The following RAD51B variants were observed in gnomAD, a reference collection of about 807,000 sequenced individuals.
The protein encoded by RAD51B is DNA repair protein RAD51 homolog 2.
Under a neutral mutation model 42.2 loss-of-function variants are expected in RAD51B, and 38 were observed. The observed-to-expected ratio is 0.90, with a 90% CI of 0.70 to 1.18. The LOEUF (loss-of-function observed/expected upper bound fraction) is 1.18. RAD51B is among the 50% of genes most tolerant of loss of function. The pLI is 0.00. For missense variants in RAD51B, 373 were observed against 400.7 expected (o/e 0.93, Z 0.59); for synonymous variants, 154 against 145.2 (o/e 1.06, Z -0.43).
chr14:68,594,802 G>A, exon 11 of RAD51B: 2 of 1,233,442 alleles, frequency 1.6e-6, no homozygotes, highest in Non-Finnish European at 2.1e-6. Flanking sequence ...ATGAGAAAGG[G>A]GGCAATGGAG....
chr14:68,518,456 CG>C (rs1311499396), intron 10 of RAD51B, among the ~76,000 whole-genome samples: 1 of 152,008 alleles, frequency 6.6e-6, no homozygotes, highest in Non-Finnish European at 1.5e-5. Context: ...TTCGCCTAGT[CG>C]GGGGGCGGGA....
chr14:68,615,113 C>T (rs1217362092), downstream of RAD51B, among the ~76,000 whole-genome samples: 2 of 152,292 alleles, frequency 1.3e-5, no homozygotes, highest in African/African-American at 4.8e-5. Context: ...CCTTGTGATC[C>T]ACCCGCCTTG....
chr14:67,829,285 G>A (rs1035365539), intron 3 of RAD51B, among the ~76,000 whole-genome samples: 7 of 150,106 alleles, frequency 4.7e-5, no homozygotes, highest in African/African-American at 7.4e-5. Flanking sequence ...CTCTGTCGCC[G>A]AGGCTGGAGT....
At chr14:68,049,203 G>A (rs1457950465) in intron 7 of RAD51B, among the ~76,000 whole-genome samples, 5 of 151,270 alleles carry the variant, frequency 3.3e-5, no homozygotes, top group Non-Finnish European at 7.4e-5. Flanking sequence ...ACTGGGGCCT[G>A]TTGTGGGGTG....
At chr14:68,014,379 T>G (rs1186995981) in intron 7 of RAD51B, among the ~76,000 whole-genome samples, 1 of 152,130 alleles carries the variant, frequency 6.6e-6, no homozygotes, top group African/African-American at 2.4e-5. Context: ...CCATTAGTGC[T>G]ATCTTCAGGA....
intron 8 of RAD51B, among the ~76,000 whole-genome samples, chr14:68,392,217 A>T (rs2083777625): frequency 6.6e-6 from 1 of 152,198 alleles, no homozygotes; most frequent in Admixed American, 6.5e-5. Context: ...TACAGGGTAC[A>T]TTGGGGCATT....
intron 10 of RAD51B, among the ~76,000 whole-genome samples, chr14:68,556,854 T>C (rs1223128591): frequency 6.6e-6 from 1 of 152,146 alleles, no homozygotes; most frequent in African/African-American, 2.4e-5. Flanking sequence ...CTTCCTGCCT[T>C]GTTTCCTACC....
intron 8 of RAD51B, among the ~76,000 whole-genome samples, chr14:68,330,657 C>G (rs1156489954): frequency 6.6e-6 from 1 of 151,788 alleles, no homozygotes; most frequent in Admixed American, 6.6e-5. Context: ...TTTGAAGAAG[C>G]AAATATTGTA....
intron 7 of RAD51B, among the ~76,000 whole-genome samples, chr14:68,249,885 A>G (rs1262218664): frequency 1.3e-5 from 2 of 152,236 alleles, no homozygotes; most frequent in East Asian, 1.9e-4. Flanking sequence ...CAAACAACAT[A>G]TATAAATCAG....
At chr14:68,564,329 CT>C (rs1889311388) in intron 10 of RAD51B, among the ~76,000 whole-genome samples, 1 of 152,242 alleles carries the variant, frequency 6.6e-6, no homozygotes. Context: ...GGGTATTGGC[CT>C]GCAGCTTGGC....
intron 7 of RAD51B, among the ~76,000 whole-genome samples, chr14:68,240,264 C>T (rs2080354539): frequency 6.6e-6 from 1 of 152,210 alleles, no homozygotes; most frequent in South Asian, 2.1e-4. Context: ...AGAACAGCGC[C>T]TTTCACTCCA....
chr14:68,203,244 G>C (rs2079526064), intron 7 of RAD51B, among the ~76,000 whole-genome samples: 1 of 152,140 alleles, frequency 6.6e-6, no homozygotes, highest in Non-Finnish European at 1.5e-5. Context: ...CTTGAATGTT[G>C]AAATTATTCC....
In RAD51B at chr14:68,632,682, G is replaced by A. The variant is rs553316971; in HGVS notation, c.1037-18099G>A. Among the ~76,000 whole-genome samples the A allele has an allele frequency of 3.3e-5, 5 of 152,260 alleles. No homozygotes were observed. The East Asian group carries it at 9.7e-4, about 29-fold the overall frequency. On this transcript the variant is annotated intron_variant, in intron 10 of 11. Coordinates refer to the RAD51B transcript ENST00000488612. ...TGCCCCTGCTGCCCTTGGCTGTGACGATGGGAAGCAACTGTCCAAAAAGCC... is the reference window on the plus strand; with the variant it reads ...TGCCCCTGCTGCCCTTGGCTGTGACAATGGGAAGCAACTGTCCAAAAAGCC...
chr14:68,563,456 A>T, intron 10 of RAD51B: 2 of 985,488 alleles, frequency 2.0e-6, no homozygotes, highest in Non-Finnish European at 2.4e-6. Context: ...AAGGTAACAG[A>T]GTACACATGT....
chr14:68,626,386 C>G (rs1892081185), intron 10 of RAD51B, among the ~76,000 whole-genome samples: 1 of 152,248 alleles, frequency 6.6e-6, no homozygotes, highest in South Asian at 2.1e-4. Flanking sequence ...TACTGCTACA[C>G]AACAGACACT....
At chr14:68,033,065 G>T (rs894085003) in intron 7 of RAD51B, among the ~76,000 whole-genome samples, 1 of 152,056 alleles carries the variant, frequency 6.6e-6, no homozygotes, top group African/African-American at 2.4e-5. Flanking sequence ...TATCATCATG[G>T]TGCTCATGAC....
intron 10 of RAD51B, among the ~76,000 whole-genome samples, chr14:68,630,967 G>A (rs1892214614): frequency 6.6e-6 from 1 of 152,120 alleles, no homozygotes; most frequent in African/African-American, 2.4e-5. Context: ...ATAATAAGTG[G>A]AAATGGAAAA....
chr14:68,022,641 T>C (rs530995812), intron 7 of RAD51B, among the ~76,000 whole-genome samples: 2 of 152,254 alleles, frequency 1.3e-5, no homozygotes, highest in East Asian at 3.9e-4. Flanking sequence ...TGCTTGTCTC[T>C]CTTTTTTTTT....
intron 10 of RAD51B, among the ~76,000 whole-genome samples, chr14:68,494,535 T>C (rs535691524): frequency 3.9e-5 from 6 of 152,280 alleles, no homozygotes; most frequent in African/African-American, 1.4e-4. Context: ...GCAGCACCAC[T>C]AAGTTTCACC....
Sources: allele counts gnomAD v4.1 joint callset (sites outside exome capture counted in the v4.1 genomes callset), GRCh38; gene constraint gnomAD v4.1.1; transcripts MANE v1.5; gene names NCBI Gene and HGNC (gene_info 2026-07-23, HGNC 2026-07-21).